FAT3: variants seen among roughly 807,000 people sequenced by gnomAD.
The protein encoded by FAT3 is protocadherin Fat 3.
Under a neutral mutation model 310.2 loss-of-function variants are expected in FAT3, and 95 were observed. That is an observed-to-expected ratio of 0.31 (90% confidence interval 0.26 to 0.36). The LOEUF (loss-of-function observed/expected upper bound fraction) is 0.36, where lower values mean the gene tolerates loss of function less well. Among genes scored for constraint, FAT3 ranks in the 10% least tolerant of loss-of-function variants. FAT3 has a pLI of 1.00. For synonymous variants in FAT3, 2,314 were observed against 2,192.9 expected (o/e 1.06, Z -1.54); for missense variants, 5,408 against 5,715.6 (o/e 0.95, Z 1.74).
At chr11:92,646,602 G>A (rs761399966) in intron 3 of FAT3, among the ~76,000 whole-genome samples, 8 of 152,182 alleles carry the variant, frequency 5.3e-5, no homozygotes, top group Admixed American at 4.6e-4. Context: ...ACTAAGTTCC[G>A]TATGCAGAAC....
At chr11:92,817,216 C>T (rs918460523) in intron 13 of FAT3, among the ~76,000 whole-genome samples, 6 of 151,968 alleles carry the variant, frequency 3.9e-5, no homozygotes, top group Non-Finnish European at 7.4e-5. Context: ...GAAAGGTGAG[C>T]GGGAGTCAGT....
At chr11:92,347,526 GT>G (rs1948450318) in intron 1 of FAT3, among the ~76,000 whole-genome samples, 2 of 152,218 alleles carry the variant, frequency 1.3e-5, no homozygotes, top group East Asian at 3.9e-4. Context: ...GCTTTATCAG[GT>G]TACCAAAGCA....
At chr11:92,566,702 G>A (rs941152740) in intron 3 of FAT3, among the ~76,000 whole-genome samples, 1 of 151,060 alleles carries the variant, frequency 6.6e-6, no homozygotes, top group Admixed American at 6.6e-5. Context: ...ACTGATCAAT[G>A]GAACAGAACA....
intron 2 of FAT3, among the ~76,000 whole-genome samples, chr11:92,486,851 A>ATAT (rs1952424732): frequency 6.6e-6 from 1 of 152,144 alleles, no homozygotes; most frequent in African/African-American, 2.4e-5. Context: ...TTTTTCCCCT[A>ATAT]TATCCTGCCA....
intron 2 of FAT3, chr11:92,400,701 G>A (rs1949994385): frequency 6.6e-6 from 1 of 151,600 alleles, no homozygotes; most frequent in Non-Finnish European, 1.5e-5. Flanking sequence ...AACAGGGTAA[G>A]CCACCTAAAT....
intron 5 of FAT3, among the ~76,000 whole-genome samples, chr11:92,764,402 C>T (rs1946249560): frequency 6.6e-6 from 1 of 152,134 alleles, no homozygotes; most frequent in South Asian, 2.1e-4. Flanking sequence ...AACACAACCA[C>T]ACACTGCAAA....
intron 4 of FAT3, among the ~76,000 whole-genome samples, chr11:92,712,340 T>A (rs548014724): frequency 2.0e-5 from 3 of 152,130 alleles, no homozygotes; most frequent in Non-Finnish European, 4.4e-5. Flanking sequence ...GAATAAGTCA[T>A]CTCTGCACTC....
chr11:92,810,997 ATTAG>A (rs1290373051), intron 13 of FAT3, among the ~76,000 whole-genome samples: 3 of 152,224 alleles, frequency 2.0e-5, no homozygotes, highest in African/African-American at 7.2e-5. Flanking sequence ...ATACATGATA[ATTAG>A]TTGAAAACAA....
intron 3 of FAT3, among the ~76,000 whole-genome samples, chr11:92,672,609 C>T (rs1943163221): frequency 6.6e-6 from 1 of 152,146 alleles, no homozygotes; most frequent in Admixed American, 6.5e-5. Flanking sequence ...GTCCCCACCC[C>T]TTTGCCTCTT....
chr11:92,503,077 A>C (rs1199876117), intron 2 of FAT3, among the ~76,000 whole-genome samples: 4 of 152,042 alleles, frequency 2.6e-5, no homozygotes, highest in African/African-American at 9.7e-5. Context: ...CTAGCTGGTG[A>C]AGTCCTGATG....
chr11:92,288,972 AC>A (rs1432654653), intron 1 of FAT3, among the ~76,000 whole-genome samples: 10 of 152,076 alleles, frequency 6.6e-5, no homozygotes, highest in African/African-American at 2.4e-4. Context: ...TGACAACACC[AC>A]CTCAGAACTG....
intron 3 of FAT3, among the ~76,000 whole-genome samples, chr11:92,650,695 G>A (rs1942343004): frequency 6.6e-6 from 1 of 152,184 alleles, no homozygotes; most frequent in Non-Finnish European, 1.5e-5. Flanking sequence ...TGGTTGTCAT[G>A]AGCTGGTGCC....
chr11:92,702,949 A>G (rs1944147305), intron 4 of FAT3, among the ~76,000 whole-genome samples: 2 of 152,238 alleles, frequency 1.3e-5, no homozygotes, highest in African/African-American at 4.8e-5. Context: ...TATGCATAGA[A>G]TTTGGAACAG....
At chr11:92,314,268 C>A (rs1947379298) in intron 1 of FAT3, 1 of 981,134 alleles carries the variant, frequency 1.0e-6, no homozygotes, top group Non-Finnish European at 1.2e-6. Context: ...TGATTTTTAA[C>A]AGATTCTAAG....
At chr11:92,859,680 G>T (rs1406934094) in intron 21 of FAT3, among the ~76,000 whole-genome samples, 1 of 152,112 alleles carries the variant, frequency 6.6e-6, no homozygotes, top group African/African-American at 2.4e-5. Flanking sequence ...TACCACATGG[G>T]TCTATCCCCA....
chr11:92,653,160 A>T (rs998598494), intron 3 of FAT3, among the ~76,000 whole-genome samples: 1 of 152,146 alleles, frequency 6.6e-6, no homozygotes, highest in African/African-American at 2.4e-5. Flanking sequence ...CTCTGTCTAA[A>T]AAATAAATAA....
chr11:92,740,090 G>T (rs979068214), intron 4 of FAT3, among the ~76,000 whole-genome samples: 7 of 152,158 alleles, frequency 4.6e-5, no homozygotes, highest in Non-Finnish European at 7.4e-5. Context: ...TTAGCTTCTA[G>T]TAGGGAGTTA....
intron 2 of FAT3, among the ~76,000 whole-genome samples, chr11:92,371,319 G>C (rs752115806): frequency 2.0e-5 from 3 of 152,198 alleles, no homozygotes; most frequent in Non-Finnish European, 2.9e-5. Context: ...CACAGCTTGT[G>C]GTGGAGCTGA....
intron 17 of FAT3, among the ~76,000 whole-genome samples, chr11:92,838,616 C>T (rs1948463604): frequency 6.6e-6 from 1 of 152,146 alleles, no homozygotes; most frequent in Non-Finnish European, 1.5e-5. Flanking sequence ...ACTTGGAGGG[C>T]CACAGGTATT....
Sources: gnomAD v4.1 joint callset for allele counts (sites outside exome capture counted in the v4.1 genomes callset) on GRCh38, gnomAD v4.1.1 for gene constraint, MANE v1.5 for transcripts, NCBI Gene and HGNC (gene_info 2026-07-23, HGNC 2026-07-21) for gene names.